Variants in TASP1 observed in about 807,000 individuals in gnomAD.
TASP1 encodes the protein threonine aspartase 1.
TASP1 carries 16 observed loss-of-function variants against 56.6 expected under a neutral mutation model. That is an observed-to-expected ratio of 0.28 (90% CI 0.19 to 0.43). TASP1 has a LOEUF of 0.43. Among genes scored for constraint, TASP1 ranks in the 20% least tolerant of loss-of-function variants. The pLI is 1.00. For synonymous variants in TASP1, 179 were observed against 184.2 expected, an observed-to-expected ratio of 0.97 and a Z score of 0.23; for missense variants, 393 against 511.6, an observed-to-expected ratio of 0.77 and a Z score of 2.24.
At chr20:13,616,946 T>C in intron 4 of TASP1, 2 of 403,162 alleles carry the variant, frequency 5.0e-6, no homozygotes, top group South Asian at 3.6e-5. Flanking sequence ...AAATCAATGC[T>C]CTAGCAGCAG....
chr20:13,583,589 A>G (rs925396735), intron 5 of TASP1, among the ~76,000 whole-genome samples: 3 of 152,214 alleles, frequency 2.0e-5, no homozygotes, highest in African/African-American at 4.8e-5. Context: ...TGGACAAACT[A>G]CTAAATCTCT....
At chr20:13,498,408 G>C (rs1601008733) in intron 10 of TASP1, among the ~76,000 whole-genome samples, 1 of 149,034 alleles carries the variant, frequency 6.7e-6, no homozygotes, top group East Asian at 2.0e-4. Flanking sequence ...ACACAGGCTG[G>C]AGTGCAGTGG....
chr20:13,540,339 A>G lies in TASP1; in HGVS notation c.676-6198T>C, dbSNP rs546716397. 5.3e-5 allele frequency among the ~76,000 whole-genome samples: 8 copies of G among 152,350 alleles called. No individual in the cohort carries two copies. The South Asian group carries it at 1.7e-3, about 32-fold the overall frequency. On this transcript the variant is annotated intron_variant, in intron 8 of 13. Transcript: ENST00000337743. ...TTTATAATTCTAAATCAAAATTTAT[A>G]AGTTCTACATTAAATATAAACCTAC... is the stretch of plus-strand genomic sequence containing the variant.
intron 10 of TASP1, among the ~76,000 whole-genome samples, chr20:13,518,713 A>G (rs2044626897): frequency 6.6e-6 from 1 of 152,172 alleles, no homozygotes; most frequent in African/African-American, 2.4e-5. Flanking sequence ...ATCAACGAAC[A>G]AAGCTGATGA....
chr20:13,552,622 A>G (rs1053685230), intron 8 of TASP1, among the ~76,000 whole-genome samples: 1 of 152,122 alleles, frequency 6.6e-6, no homozygotes, highest in Non-Finnish European at 1.5e-5. Flanking sequence ...ACACTAAAGG[A>G]AGACTGGCAG....
the TASP1 span, among the ~76,000 whole-genome samples, chr20:13,177,053 A>C: frequency 6.6e-6 from 1 of 152,098 alleles, no homozygotes; most frequent in Non-Finnish European, 1.5e-5. Flanking sequence ...CAGGCTGGCC[A>C]ACATGGTGAA....
the TASP1 span, among the ~76,000 whole-genome samples, chr20:13,221,399 C>A: frequency 6.8e-6 from 1 of 146,948 alleles, no homozygotes; most frequent in Non-Finnish European, 1.5e-5. Flanking sequence ...GACCCCGCAG[C>A]CCCCTGCCAG....
chr20:13,128,321 GT>G, the TASP1 span, among the ~76,000 whole-genome samples: 35 of 152,176 alleles, frequency 2.3e-4, no homozygotes, highest in African/African-American at 8.2e-4. Flanking sequence ...GATAAGGGAG[GT>G]TTTGCCACCA....
chr20:13,467,704 A>T (rs933211359), intron 11 of TASP1, among the ~76,000 whole-genome samples: 10 of 152,104 alleles, frequency 6.6e-5, no homozygotes, highest in Non-Finnish European at 1.3e-4. Flanking sequence ...CTGACCTTTT[A>T]AAAAAAGGTG....
At chr20:13,601,087 G>A (rs1464131609) in intron 4 of TASP1, among the ~76,000 whole-genome samples, 1 of 152,108 alleles carries the variant, frequency 6.6e-6, no homozygotes, top group Non-Finnish European at 1.5e-5. Flanking sequence ...ACCAGCCTGG[G>A]CAACACAGCG....
At chr20:13,570,949 T>G (rs1568596368) in intron 6 of TASP1, among the ~76,000 whole-genome samples, 2 of 152,286 alleles carry the variant, frequency 1.3e-5, no homozygotes, top group East Asian at 3.9e-4. Flanking sequence ...GTTGAAGTAG[T>G]AAACTACATG....
chr20:13,438,474 C>G (rs1272731738), intron 11 of TASP1, among the ~76,000 whole-genome samples: 1 of 152,186 alleles, frequency 6.6e-6, no homozygotes, highest in Non-Finnish European at 1.5e-5. Context: ...GAAACTGGAT[C>G]CCTTCCTTAT....
At chr20:13,226,992 C>T in the TASP1 span, among the ~76,000 whole-genome samples, 1 of 152,028 alleles carries the variant, frequency 6.6e-6, no homozygotes, top group Non-Finnish European at 1.5e-5. Flanking sequence ...TTTTTAGAAC[C>T]CATAGTGCAA....
chr20:13,614,899 T>G, intron 4 of TASP1: 1 of 454,808 alleles, frequency 2.2e-6, no homozygotes, highest in South Asian at 1.7e-5. Flanking sequence ...AAGACAAATG[T>G]AGCTGTTTCT....
the TASP1 span, among the ~76,000 whole-genome samples, chr20:13,279,024 G>A: frequency 6.6e-6 from 1 of 152,264 alleles, no homozygotes; most frequent in East Asian, 1.9e-4. Flanking sequence ...CATTCTGCTG[G>A]ACAGAGTGAA....
the TASP1 span, among the ~76,000 whole-genome samples, chr20:13,347,637 G>C: frequency 6.6e-6 from 1 of 152,132 alleles, no homozygotes; most frequent in African/African-American, 2.4e-5. Context: ...TCAGGAGTTC[G>C]AGACCAGCCT....
chr20:13,297,834 G>A, the TASP1 span, among the ~76,000 whole-genome samples: 1 of 152,128 alleles, frequency 6.6e-6, no homozygotes, highest in African/African-American at 2.4e-5. Context: ...ACCCTTCTGG[G>A]GGTAGATTTT....
At chr20:13,425,053 C>A (rs778117738) in intron 12 of TASP1, among the ~76,000 whole-genome samples, 5 of 152,164 alleles carry the variant, frequency 3.3e-5, no homozygotes, top group African/African-American at 7.2e-5. Flanking sequence ...ATTATAAGAA[C>A]CTTCAGGATG....
chr20:13,566,226 A>C (rs571491765), intron 7 of TASP1, among the ~76,000 whole-genome samples: 1 of 152,310 alleles, frequency 6.6e-6, no homozygotes, highest in Admixed American at 6.5e-5. Context: ...CGAGATGAAG[A>C]GGGTTCTATA....
Sources: gnomAD v4.1 joint callset for allele counts (sites outside exome capture counted in the v4.1 genomes callset) on GRCh38, gnomAD v4.1.1 for gene constraint, MANE v1.5 for transcripts, NCBI Gene and HGNC (gene_info 2026-07-23, HGNC 2026-07-21) for gene names.